Variants in SEZ6L observed in about 807,000 individuals in gnomAD.
SEZ6L encodes the protein seizure 6-like protein.
Under a neutral mutation model 106.2 loss-of-function variants are expected in SEZ6L, and 37 were observed. The observed-to-expected ratio is 0.35, with a 90% CI of 0.27 to 0.46. The LOEUF is 0.46. SEZ6L is among the 20% of genes least tolerant of loss of function. The probability of loss-of-function intolerance (pLI) is 1.00; values close to 1 mark genes in which losing one functional copy is unlikely to be tolerated. For missense variants in SEZ6L, 1,172 were observed against 1,332.8 expected (o/e 0.88, Z 1.88); for synonymous variants, 541 against 570.4 (o/e 0.95, Z 0.73).
chr22:26,363,138 A>T (rs2083690325), intron 12 of SEZ6L, among the ~76,000 whole-genome samples: 1 of 152,238 alleles, frequency 6.6e-6, no homozygotes, highest in Non-Finnish European at 1.5e-5. Context: ...AACAATGTGA[A>T]CCCAGTATTG....
chr22:26,321,572 C>T (rs911280115), intron 9 of SEZ6L, among the ~76,000 whole-genome samples: 1 of 152,218 alleles, frequency 6.6e-6, no homozygotes, highest in African/African-American at 2.4e-5. Context: ...GGCACCTCCT[C>T]CCTCCCACAG....
Position 26,377,658 on chromosome 22 carries a change from C to G in SEZ6L, c.2943-15C>G. ...GCTGGGGAGAAGTAACTTCTCTCTC[C>G]TTTCTTTCCCCCAGATGTCGCTACT... On this transcript the variant is annotated splice_polypyrimidine_tract_variant and intron_variant, in intron 15 of 16. Transcript: ENST00000248933. 6.3e-7 allele frequency: 1 copy of G among 1,596,972 alleles called. No individual in the cohort carries two copies. Among genetic ancestry groups the G allele is most frequent in the Non-Finnish European group, 8.6e-7 (1 of 1,164,568 alleles).
At position 26,381,586 on chromosome 22, in the gene SEZ6L, G is replaced by A. The variant is rs1157555452; in HGVS notation, c.*1291G>A. On this transcript the variant is annotated 3_prime_UTR_variant, in exon 17 of 17. Transcript: ENST00000248933. ...CAGAGAGAGGAATTTCATTCAGAAA[G>A]GATTCCATAGCCCCACATCTAGTCA... 6.4e-6 allele frequency: 1 copy of A among 155,398 alleles called. No homozygotes were observed. Among genetic ancestry groups the A allele is most frequent in the Non-Finnish European group, 1.4e-5 (1 of 69,932 alleles). The allele number at this position is 155,398 out of a possible 1,614,324, so 9.6% of individuals were successfully genotyped here.
chr22:26,316,884 GA>G (rs1447072678), intron 9 of SEZ6L, among the ~76,000 whole-genome samples: 2 of 123,428 alleles, frequency 1.6e-5, no homozygotes, highest in South Asian at 2.6e-4. Flanking sequence ...AAGAAAGAAA[GA>G]AAGAAAGAGA....
chr22:26,210,499 C>T (rs1056604074), intron 1 of SEZ6L, among the ~76,000 whole-genome samples: 1 of 152,162 alleles, frequency 6.6e-6, no homozygotes, highest in Non-Finnish European at 1.5e-5. Flanking sequence ...GTGGAAGGCA[C>T]TCGTGTGGTG....
At chr22:26,327,226 ACACACCACAC>A (rs756379310) in intron 9 of SEZ6L, among the ~76,000 whole-genome samples, 1,954 of 6,646 alleles carry the variant, frequency 0.29, 39 homozygotes, top group African/African-American at 0.42. Context: ...CACACCACAC[ACACACCACAC>A]ACGCTATACA....
intron 1 of SEZ6L, among the ~76,000 whole-genome samples, chr22:26,277,038 G>A (rs551457953): frequency 3.3e-5 from 5 of 151,926 alleles, no homozygotes; most frequent in Admixed American, 6.5e-5. Context: ...AGGCCCATTC[G>A]TGGGGGAGAA....
intron 3 of SEZ6L, among the ~76,000 whole-genome samples, chr22:26,294,958 TCTTG>T (rs1303388965): frequency 2.5e-4 from 30 of 119,932 alleles, no homozygotes; most frequent in Non-Finnish European, 3.4e-4. Context: ...TTTCTTTCTT[TCTTG>T]CTTGCTTGCT....
At chr22:26,316,999 T>A (rs929274067) in intron 9 of SEZ6L, among the ~76,000 whole-genome samples, 4 of 151,832 alleles carry the variant, frequency 2.6e-5, no homozygotes, top group African/African-American at 9.7e-5. Context: ...GGAAGAAGAA[T>A]GTCCTACCTA....
intron 9 of SEZ6L, among the ~76,000 whole-genome samples, chr22:26,329,722 C>A (rs980120733): frequency 6.6e-6 from 1 of 152,190 alleles, no homozygotes; most frequent in African/African-American, 2.4e-5. Flanking sequence ...GGCCTTAGGA[C>A]CTGGGTCTTT....
intron 6 of SEZ6L, among the ~76,000 whole-genome samples, chr22:26,307,455 G>A (rs2081666877): frequency 6.7e-6 from 1 of 149,284 alleles, no homozygotes; most frequent in African/African-American, 2.5e-5. Flanking sequence ...CCTAGACTAT[G>A]AGGTCTTTAG....
intron 6 of SEZ6L, among the ~76,000 whole-genome samples, chr22:26,309,803 T>C (rs634707): frequency 0.26 from 39,132 of 152,022 alleles, 5,516 homozygotes; most frequent in African/African-American, 0.33. Context: ...ACTATCTAAC[T>C]CCTGACCTCA....
intron 12 of SEZ6L, among the ~76,000 whole-genome samples, chr22:26,361,765 C>G (rs1174025475): frequency 6.6e-6 from 1 of 152,048 alleles, no homozygotes; most frequent in Non-Finnish European, 1.5e-5. Context: ...GATGTGCATC[C>G]TGAGCCCTTG....
chr22:26,317,048 A>G (rs1179995418), intron 9 of SEZ6L, among the ~76,000 whole-genome samples: 1 of 152,124 alleles, frequency 6.6e-6, no homozygotes, highest in African/African-American at 2.4e-5. Context: ...CAAAGCCTGG[A>G]AATGAAAGAG....
In SEZ6L at chr22:26,328,750, A is replaced by G. The variant is rs138659616; in HGVS notation, c.2016-11686A>G. Among the ~76,000 whole-genome samples, 532 of 152,242 alleles carry G rather than the reference A, an allele frequency of 3.5e-3. 1 individual carries two copies. The highest frequency in any genetic ancestry group is 4.4e-3 in the Non-Finnish European group (301 of 68,006). On this transcript the variant is annotated intron_variant, in intron 9 of 16. Transcript: ENST00000248933. ...TCCTACTCTTTTTCTCTTTGGGAAT[A>G]AGAGGGAAATTGAGAAAAGGGAGAA...
chr22:26,306,571 G>A lies in SEZ6L; in HGVS notation c.1514+427G>A, dbSNP rs1009162383. On this transcript the variant is annotated intron_variant, in intron 6 of 16. Transcript: ENST00000248933. The stretch of plus-strand genomic sequence containing the variant: ...GGAAATTGAGATGGAAAAACTAGAC[G>A]TATGCACATGAAAGAATGAAGGAGA... Among the ~76,000 whole-genome samples, 8 of 152,142 alleles carry A rather than the reference G, an allele frequency of 5.3e-5. No individual in the cohort carries two copies. The South Asian group carries it at 6.2e-4, about 12-fold the overall frequency.
chr22:26,281,383 T>A (rs1227619912), intron 1 of SEZ6L, among the ~76,000 whole-genome samples: 1 of 148,346 alleles, frequency 6.7e-6, no homozygotes, highest in East Asian at 1.9e-4. Flanking sequence ...TCTTTTTTTT[T>A]TTTTTTTTTG....
rs527487605 is a variant in SEZ6L, at chr22:26,199,716, C to T, written c.94+29953C>T. Among the ~76,000 whole-genome samples, 12 of 152,226 alleles carry T rather than the reference C, an allele frequency of 7.9e-5. 1 individual carries two copies. Among genetic ancestry groups the T allele is most frequent in the Middle Eastern group, 6.8e-3 (2 of 294 alleles). On this transcript the variant is annotated intron_variant, in intron 1 of 16. Transcript: ENST00000248933. Reference sequence around the variant, plus strand: ...AGCTTTTTAGCAGTTTGGTGAATTCCCTTCTCCTAAGTTATACTCTCAGCA... The same window carrying T: ...AGCTTTTTAGCAGTTTGGTGAATTCTCTTCTCCTAAGTTATACTCTCAGCA...
intron 1 of SEZ6L, among the ~76,000 whole-genome samples, chr22:26,219,397 A>T (rs966703807): frequency 6.6e-6 from 1 of 152,074 alleles, no homozygotes; most frequent in Admixed American, 6.6e-5. Context: ...TTTTTTACAA[A>T]ATCTGTTTTA....
Sources: allele counts gnomAD v4.1 joint callset (sites outside exome capture counted in the v4.1 genomes callset), GRCh38; gene constraint gnomAD v4.1.1; transcripts MANE v1.5; gene names NCBI Gene and HGNC (gene_info 2026-07-23, HGNC 2026-07-21).